Variants in SOX6 observed in about 807,000 individuals in gnomAD.
SOX6 encodes the protein transcription factor SOX-6.
In SOX6, 11 loss-of-function variants were observed where a neutral mutation model predicts 97.8. That is an observed-to-expected ratio of 0.11 (90% CI 0.07 to 0.19). The LOEUF (loss-of-function observed/expected upper bound fraction) is 0.19, where lower values mean the gene tolerates loss of function less well. SOX6 is among the 10% of genes least tolerant of loss of function. The pLI is 1.00. For missense variants in SOX6, 810 were observed against 1,039.5 expected, an observed-to-expected ratio of 0.78 and a Z score of 3.04; for synonymous variants, 360 against 371.4, an observed-to-expected ratio of 0.97 and a Z score of 0.35.
At position 16,019,703 on chromosome 11, in the gene SOX6, G is replaced by A. The variant is rs1309532467; in HGVS notation, c.1624-4653C>T. Among the ~76,000 whole-genome samples the A allele has an allele frequency of 1.8e-4, 28 of 152,020 alleles. 1 individual carries two copies. The highest frequency in any genetic ancestry group is 1.8e-3 in the Admixed American group (27 of 15,242). On this transcript the variant is annotated intron_variant, in intron 12 of 15. Transcript: ENST00000683767. ...TTCTTAGGTAAATAAGGATTTTGTTGTTGCATCCTAAAATACATATTTAAA... is the reference window on the plus strand; with the variant it reads ...TTCTTAGGTAAATAAGGATTTTGTTATTGCATCCTAAAATACATATTTAAA...
intron 9 of SOX6, among the ~76,000 whole-genome samples, chr11:16,082,125 T>C (rs1222019077): frequency 6.6e-6 from 1 of 152,198 alleles, no homozygotes; most frequent in Non-Finnish European, 1.5e-5. Flanking sequence ...TTTTTTCCCA[T>C]CTTTTTAGAA....
At chr11:16,216,668 A>T (rs1338865596) in intron 4 of SOX6, among the ~76,000 whole-genome samples, 12 of 152,058 alleles carry the variant, frequency 7.9e-5, no homozygotes, top group Non-Finnish European at 1.8e-4. Context: ...ATCTCATTCA[A>T]TCATCACTTC....
intron 12 of SOX6, among the ~76,000 whole-genome samples, chr11:16,036,282 T>G (rs898227554): frequency 1.3e-5 from 2 of 152,052 alleles, no homozygotes; most frequent in African/African-American, 4.8e-5. Flanking sequence ...TTTCTCCATG[T>G]TAGTCAGGCT....
At position 15,970,368 on chromosome 11, in the gene SOX6, GTTTGCT is replaced by G. The variant is rs72095360; in HGVS notation, c.*2435_*2440del. The G allele has an allele frequency of 0.07, 10,623 of 152,550 alleles. 430 individuals are homozygous for G. Among genetic ancestry groups the G allele is most frequent in the Non-Finnish European group, 0.097 (6,622 of 67,970 alleles). 9.4% of individuals were successfully genotyped at this position (152,550 alleles called of 1,614,324 possible). On this transcript the variant is annotated 3_prime_UTR_variant, in exon 16 of 16. Transcript: ENST00000683767. ...ACAAAATTAACCTACTATGCTAAATGTTTGCTTTTGTGCAAAATTAATTACATACAA... is the reference window on the plus strand; with the variant it reads ...ACAAAATTAACCTACTATGCTAAATGTTTGTGCAAAATTAATTACATACAA...
intron 13 of SOX6, among the ~76,000 whole-genome samples, chr11:15,992,819 T>G (rs1049189532): frequency 6.6e-6 from 1 of 152,190 alleles, no homozygotes; most frequent in African/African-American, 2.4e-5. Context: ...TCCATATGAG[T>G]ACTATGCAGA....
intron 9 of SOX6, among the ~76,000 whole-genome samples, chr11:16,093,709 G>C (rs978556056): frequency 1.3e-5 from 2 of 151,930 alleles, no homozygotes; most frequent in Non-Finnish European, 2.9e-5. Context: ...AGTTTATCAT[G>C]ATCATGTTTC....
intron 12 of SOX6, among the ~76,000 whole-genome samples, chr11:16,041,237 G>A (rs1002811181): frequency 5.9e-5 from 9 of 152,026 alleles, no homozygotes; most frequent in Non-Finnish European, 4.4e-5. Context: ...TTTCTCACAA[G>A]CCCCTTTCAC....
chr11:16,328,787 T>G (rs1413585903), intron 2 of SOX6, among the ~76,000 whole-genome samples: 1 of 152,128 alleles, frequency 6.6e-6, no homozygotes, highest in East Asian at 1.9e-4. Flanking sequence ...ACAAAGGAAA[T>G]CTAACCTTTT....
intron 4 of SOX6, among the ~76,000 whole-genome samples, chr11:16,546,694 C>T (rs193109875): frequency 6.6e-5 from 10 of 152,082 alleles, no homozygotes; most frequent in Non-Finnish European, 1.3e-4. Context: ...CTTCAGGACA[C>T]GATCTAGGCA....
At chr11:16,252,512 G>C (rs1280704642) in intron 3 of SOX6, 1 of 152,180 alleles carries the variant, frequency 6.6e-6, no homozygotes, top group Non-Finnish European at 1.5e-5. Flanking sequence ...AGTCAAAAGG[G>C]GATGGCCACA....
At chr11:16,377,609 A>G (rs1336711994) in intron 1 of SOX6, among the ~76,000 whole-genome samples, 1 of 152,292 alleles carries the variant, frequency 6.6e-6, no homozygotes, top group East Asian at 1.9e-4. Context: ...ATTATTCTAA[A>G]GTAATATTTA....
intron 2 of SOX6, among the ~76,000 whole-genome samples, chr11:16,734,795 A>C (rs1013713166): frequency 1.3e-5 from 2 of 152,258 alleles, no homozygotes; most frequent in Non-Finnish European, 2.9e-5. Flanking sequence ...TGCTAAGCTT[A>C]GATCCTACCC....
At chr11:16,106,441 G>T (rs1008912834) in intron 7 of SOX6, among the ~76,000 whole-genome samples, 1 of 151,836 alleles carries the variant, frequency 6.6e-6, no homozygotes, top group African/African-American at 2.4e-5. Context: ...TACATATATA[G>T]TTGATTGATT....
intron 3 of SOX6, among the ~76,000 whole-genome samples, chr11:16,637,369 C>CA (rs1245565416): frequency 6.6e-6 from 1 of 152,016 alleles, no homozygotes; most frequent in African/African-American, 2.4e-5. Flanking sequence ...TACAGGCGTG[C>CA]ACTACCATGC....
chr11:16,279,582 GACTA>G (rs1406907427), intron 3 of SOX6, among the ~76,000 whole-genome samples: 1 of 151,878 alleles, frequency 6.6e-6, no homozygotes, highest in Non-Finnish European at 1.5e-5. Context: ...CAGAGTCCTT[GACTA>G]ACTTCAATAA....
intron 4 of SOX6, among the ~76,000 whole-genome samples, chr11:16,532,648 T>C (rs1861253628): frequency 6.6e-6 from 1 of 151,892 alleles, no homozygotes. Flanking sequence ...AAATACTTTA[T>C]AAAAACAGAC....
intron 6 of SOX6, 57 bp downstream of exon 6, chr11:16,183,829 T>C: frequency 6.5e-7 from 1 of 1,542,802 alleles, no homozygotes; most frequent in Admixed American, 1.7e-5. Context: ...TTAAATTCCA[T>C]TTTCAAGGAG....
At chr11:16,134,075 T>A (rs1849891783) in intron 6 of SOX6, among the ~76,000 whole-genome samples, 1 of 152,256 alleles carries the variant, frequency 6.6e-6, no homozygotes, top group South Asian at 2.1e-4. Context: ...GTATTGGCAA[T>A]GTGCCAGGCA....
At chr11:16,167,117 G>T (rs1850906912) in intron 6 of SOX6, among the ~76,000 whole-genome samples, 1 of 152,120 alleles carries the variant, frequency 6.6e-6, no homozygotes, top group Non-Finnish European at 1.5e-5. Flanking sequence ...CAACAAAATA[G>T]TTCAACACTA....
Sources: gnomAD v4.1 joint callset for allele counts (sites outside exome capture counted in the v4.1 genomes callset) on GRCh38, gnomAD v4.1.1 for gene constraint, MANE v1.5 for transcripts, NCBI Gene and HGNC (gene_info 2026-07-23, HGNC 2026-07-21) for gene names.